The following NFKB1 variants were observed in gnomAD, a reference collection of about 807,000 sequenced individuals.
NFKB1 encodes the protein nuclear factor kappa B subunit 1.
NFKB1 carries 9 observed loss-of-function variants against 105.1 expected under a neutral mutation model. The observed-to-expected ratio is 0.09, with a 90% confidence interval of 0.05 to 0.15. The LOEUF is 0.15. NFKB1 is among the 10% of genes least tolerant of loss of function. The pLI, the probability that NFKB1 is intolerant of heterozygous loss-of-function variation, is 1.00. For synonymous variants in NFKB1, 440 were observed against 442.2 expected (o/e 1.00, Z 0.06); for missense variants, 830 against 1,203.7 (o/e 0.69, Z 4.59).
chr4:102,543,864 A>G (rs539375030), intron 5 of NFKB1, among the ~76,000 whole-genome samples: 144 of 152,162 alleles, frequency 9.5e-4, no homozygotes, highest in Non-Finnish European at 8.2e-4. Flanking sequence ...ATAATCAGCT[A>G]TGTGTGCGTA....
chr4:102,522,834 T>A (rs1740656670), intron 1 of NFKB1, among the ~76,000 whole-genome samples: 2 of 152,186 alleles, frequency 1.3e-5, no homozygotes, highest in South Asian at 4.1e-4. Flanking sequence ...ATTCTAAGGA[T>A]AGGGATTTTG....
rs1339828468 is a variant in NFKB1, at chr4:102,579,050, C to T, written c.730+11C>T. 3.7e-6 allele frequency: 6 copies of T among 1,609,494 alleles called. No homozygotes were observed. The highest frequency in any genetic ancestry group is 5.1e-6 in the Non-Finnish European group (6 of 1,176,754). On this transcript the variant is annotated intron_variant, in intron 8 of 23. Coordinates refer to ENST00000226574, the MANE Select transcript of NFKB1 (RefSeq NM_003998.4). ...CCATCTATGACAGTAGTGAGTACTT[C>T]ACTTCCAACAGGGGGCACACCAAGA...
Position 102,613,568 on chromosome 4 carries a change from A to G in NFKB1, c.2736A>G (p.Thr912=). The part of the protein sequence containing the change: ...AHSLPLSPAS[T]RQQIDELRDS... ...CGCTGCCTCTCTCGCCTGCCTCCAC[A>G]AGGCAGCAAATAGGTAAAAAAAAAG... Residue 912 remains threonine, a synonymous_variant, in exon 23 of 24, where the codon ACA becomes ACG. Coordinates refer to ENST00000226574, the MANE Select transcript of NFKB1 (RefSeq NM_003998.4). 1 of 1,612,588 alleles carries G rather than the reference A, an allele frequency of 6.2e-7. No individual in the cohort carries two copies. The highest frequency in any genetic ancestry group is 1.7e-4 in the Middle Eastern group (1 of 5,896).
At chr4:102,609,955 A>G (rs3774968) in intron 19 of NFKB1, among the ~76,000 whole-genome samples, 96,434 of 152,094 alleles carry the variant, frequency 0.63, 31,574 homozygotes, top group African/African-American at 0.81. Context: ...AGTTACTTTG[A>G]TGTTTTGTTT....
chr4:102,533,210 A>AGTGT (rs1741412997), intron 3 of NFKB1, among the ~76,000 whole-genome samples: 1 of 152,154 alleles, frequency 6.6e-6, no homozygotes, highest in Non-Finnish European at 1.5e-5. Flanking sequence ...AGACCAGATT[A>AGTGT]CATTGGGAGT....
At chr4:102,608,746 A>G (rs1039336818) in intron 19 of NFKB1, among the ~76,000 whole-genome samples, 2 of 152,088 alleles carry the variant, frequency 1.3e-5, no homozygotes, top group African/African-American at 4.8e-5. Context: ...TTGGGACACC[A>G]TATTTTTCTT....
intron 1 of NFKB1, among the ~76,000 whole-genome samples, chr4:102,507,105 AAG>A (rs1739469174): frequency 6.6e-6 from 1 of 151,206 alleles, no homozygotes; most frequent in East Asian, 1.9e-4. Context: ...CAAAATGAGA[AAG>A]AAATTAAATG....
At chr4:102,577,069 C>T (rs771028054) in intron 7 of NFKB1, 30 bp downstream of exon 7, 11 of 1,595,056 alleles carry the variant, frequency 6.9e-6, no homozygotes, top group Non-Finnish European at 9.4e-6. Context: ...CCTTGATCCT[C>T]CAAGGGGTCC....
intron 4 of NFKB1, among the ~76,000 whole-genome samples, chr4:102,535,503 AG>A (rs1292209188): frequency 1.3e-5 from 2 of 152,172 alleles, no homozygotes; most frequent in Admixed American, 1.3e-4. Context: ...GAAAGTAAGA[AG>A]GTTGTATTCA....
intron 20 of NFKB1, 150 bp from the exon 21 acceptor site, chr4:102,611,894 G>A (rs769406477): frequency 6.3e-6 from 4 of 632,622 alleles, no homozygotes; most frequent in Admixed American, 2.7e-5. Context: ...TATTCTTGGA[G>A]GGTGGTCCTG....
intron 1 of NFKB1, among the ~76,000 whole-genome samples, chr4:102,524,599 A>G (rs976458158): frequency 3.3e-5 from 5 of 152,270 alleles, no homozygotes; most frequent in African/African-American, 1.2e-4. Context: ...TATTATTAAC[A>G]TTGTAATATG....
chr4:102,524,188 G>T (rs1213486884), intron 1 of NFKB1, among the ~76,000 whole-genome samples: 1 of 151,832 alleles, frequency 6.6e-6, no homozygotes, highest in Non-Finnish European at 1.5e-5. Flanking sequence ...ATTTCTCAAG[G>T]AAGTAAATCT....
At chr4:102,590,696 C>T (rs1289100818) in intron 11 of NFKB1, among the ~76,000 whole-genome samples, 1 of 152,188 alleles carries the variant, frequency 6.6e-6, no homozygotes, top group Non-Finnish European at 1.5e-5. Flanking sequence ...CTCTCTCCCT[C>T]TCCTCAGGCT....
intron 8 of NFKB1, 22 bp from the exon 9 acceptor site, chr4:102,580,513 G>C: frequency 2.5e-6 from 4 of 1,601,536 alleles, no homozygotes; most frequent in Non-Finnish European, 3.4e-6. Context: ...CATGTTATTT[G>C]TTGTTTTTCC....
At chr4:102,531,587 G>T (rs1372323647) in intron 3 of NFKB1, among the ~76,000 whole-genome samples, 1 of 152,064 alleles carries the variant, frequency 6.6e-6, no homozygotes, top group Non-Finnish European at 1.5e-5. Flanking sequence ...ATAACTCTTA[G>T]GTCTAAAGTT....
intron 3 of NFKB1, among the ~76,000 whole-genome samples, chr4:102,531,970 A>G (rs192478298): frequency 1.3e-5 from 2 of 152,330 alleles, no homozygotes; most frequent in Admixed American, 6.5e-5. Context: ...GAATGTTTTT[A>G]TAAGTGTTAC....
In NFKB1 at chr4:102,580,556, T is replaced by G; in HGVS notation, c.752T>G (p.Leu251Trp). 1 of 1,613,914 alleles carries G rather than the reference T, an allele frequency of 6.2e-7. No homozygotes were observed. Among genetic ancestry groups the G allele is most frequent in the Non-Finnish European group, 8.5e-7 (1 of 1,179,848 alleles). Residue 251 changes from leucine to tryptophan, a missense_variant, in exon 9 of 24, where the codon TTG (leucine) becomes TGG (tryptophan). Physicochemically the swap from Leu to Trp is moderately conservative, Grantham distance 61 (BLOSUM62 -2). Transcript: ENST00000226574. The stretch of plus-strand genomic sequence containing the variant: ...ACAGAAGCCCCCAATGCATCCAACT[T>G]GAAAATTGTAAGAATGGACAGGACA... Reference protein sequence around the residue: ...YDSKAPNASNLKIVRMDRTAG... With the variant: ...YDSKAPNASNWKIVRMDRTAG...
chr4:102,607,131 C>T lies in NFKB1; in HGVS notation c.1955-19C>T. 6.2e-7 allele frequency: 1 copy of T among 1,613,946 alleles called. No individual in the cohort carries two copies. The highest frequency in any genetic ancestry group is 8.5e-7 in the Non-Finnish European group (1 of 1,179,848). ...GTTAGCCATCCCATCCTGTGACTGT[C>T]CCTTTGCTTGGACTCTAGGTCTGAA... On this transcript the variant is annotated intron_variant, in intron 17 of 23. Transcript: ENST00000226574.
intron 6 of NFKB1, among the ~76,000 whole-genome samples, chr4:102,569,094 A>G (rs1258324725): frequency 4.6e-5 from 7 of 152,236 alleles, no homozygotes; most frequent in African/African-American, 1.2e-4. Context: ...TTTGCTTACA[A>G]TGTTTCCCAA....
Sources: gnomAD v4.1 joint callset for allele counts (sites outside exome capture counted in the v4.1 genomes callset) on GRCh38, gnomAD v4.1.1 for gene constraint, MANE v1.5 for transcripts, NCBI Gene and HGNC (gene_info 2026-07-23, HGNC 2026-07-21) for gene names.